The following SLC12A1 variants were observed in gnomAD, a reference collection of about 807,000 sequenced individuals.
SLC12A1 encodes solute carrier family 12 member 1.
A neutral mutation model predicts 130.4 loss-of-function variants in SLC12A1; 89 were observed. The ratio of observed to expected loss-of-function variants is 0.68; its 90% CI spans 0.58 to 0.81. The LOEUF (loss-of-function observed/expected upper bound fraction) is 0.81, where lower values mean the gene tolerates loss of function less well. Ranked by LOEUF, SLC12A1 falls within the 40% of genes least tolerant of loss-of-function variation. The probability of loss-of-function intolerance (pLI) is 0.00; values close to 1 mark genes in which losing one functional copy is unlikely to be tolerated. For missense variants in SLC12A1, 1,310 were observed against 1,336.4 expected, an observed-to-expected ratio of 0.98 and a Z score of 0.31; for synonymous variants, 499 against 460.0, an observed-to-expected ratio of 1.08 and a Z score of -1.09.
intron 14 of SLC12A1, among the ~76,000 whole-genome samples, chr15:48,250,676 T>TCACA (rs56705329): frequency 0.017 from 2,490 of 146,008 alleles, 83 homozygotes; most frequent in African/African-American, 0.063. Flanking sequence ...AATGTCTGCC[T>TCACA]CACACACACA....
In SLC12A1 at chr15:48,251,527, A is replaced by T. The variant is rs149467550; in HGVS notation, c.1787-88A>T. Reference sequence around the variant, plus strand: ...AAAAGTTCTGATTCTTTATGTCAGGAAAAAGGCATGTTACCTGCATTCTTC... The same window carrying T: ...AAAAGTTCTGATTCTTTATGTCAGGTAAAAGGCATGTTACCTGCATTCTTC... On this transcript the variant is annotated intron_variant, in intron 14 of 26. Coordinates refer to ENST00000380993, the MANE Select transcript of SLC12A1 (RefSeq NM_000338.3). 4.1e-4 allele frequency: 424 copies of T among 1,042,608 alleles called. 4 individuals carry two copies. In the East Asian group the frequency reaches 5.4e-3, roughly 13 times the overall value. The allele number at this position is 1,042,608 out of a possible 1,614,324, so 64.6% of individuals were successfully genotyped here. A position where few individuals can be genotyped will look rare whatever the true frequency, so the allele number is the denominator to read the frequency against.
chr15:48,225,127 C>T (rs569009447), intron 4 of SLC12A1: 2 of 152,142 alleles, frequency 1.3e-5, no homozygotes, highest in African/African-American at 4.8e-5. Flanking sequence ...TTTACACATG[C>T]ATTCTTTCTA....
At chr15:48,285,402 G>A (rs1015395193) in intron 21 of SLC12A1, among the ~76,000 whole-genome samples, 153 bp downstream of exon 21, 2 of 152,176 alleles carry the variant, frequency 1.3e-5, no homozygotes, top group Non-Finnish European at 2.9e-5. Flanking sequence ...ATGGATAAAC[G>A]GTAGCAGCTA....
chr15:48,232,705 T>C (rs2041395676), intron 7 of SLC12A1, 22 bp from the exon 8 acceptor site: 1 of 1,406,424 alleles, frequency 7.1e-7, no homozygotes, highest in East Asian at 2.3e-5. Flanking sequence ...TGATTTGGTT[T>C]CCTTTTACCT....
intron 20 of SLC12A1, among the ~76,000 whole-genome samples, chr15:48,277,656 C>T (rs911966675): frequency 4.6e-5 from 7 of 152,284 alleles, no homozygotes; most frequent in East Asian, 1.9e-4. Flanking sequence ...GGTACAGGAG[C>T]GGCATCAGGG....
intron 17 of SLC12A1, among the ~76,000 whole-genome samples, chr15:48,265,950 A>T (rs2041827178): frequency 6.6e-6 from 1 of 152,236 alleles, no homozygotes; most frequent in Admixed American, 6.5e-5. Flanking sequence ...TGTAATTTCA[A>T]TATAGAATCA....
At chr15:48,274,410 G>GAAAA (rs1317473472) in intron 19 of SLC12A1, among the ~76,000 whole-genome samples, 161 bp from the exon 20 acceptor site, 2 of 152,176 alleles carry the variant, frequency 1.3e-5, no homozygotes, top group Non-Finnish European at 2.9e-5. Flanking sequence ...CATAGGGGAA[G>GAAAA]AACAAACAAA....
At chr15:48,288,016 G>T in intron 21 of SLC12A1, 27 bp from the exon 22 acceptor site, 1 of 1,600,258 alleles carries the variant, frequency 6.2e-7, no homozygotes, top group East Asian at 2.2e-5. Context: ...AAAGCAAACA[G>T]ATGCATCAAT....
At chr15:48,208,262 A>G in intron 2 of SLC12A1, 123 bp downstream of exon 2, 4 of 936,610 alleles carry the variant, frequency 4.3e-6, no homozygotes, top group Non-Finnish European at 3.1e-6. Context: ...TCCAAACACT[A>G]TCCATCTTAC....
chr15:48,299,809 C>T (rs1322491065), intron 25 of SLC12A1, among the ~76,000 whole-genome samples: 2 of 152,198 alleles, frequency 1.3e-5, no homozygotes, highest in East Asian at 3.8e-4. Context: ...AAGATGCTCC[C>T]ATCTGTGCCT....
chr15:48,261,072 A>G (rs2041769076), intron 17 of SLC12A1, among the ~76,000 whole-genome samples: 1 of 152,112 alleles, frequency 6.6e-6, no homozygotes. Context: ...CCTCTCTCAT[A>G]TTATCAACTC....
chr15:48,260,793 CCA>C (rs1174817371), intron 17 of SLC12A1, among the ~76,000 whole-genome samples: 4 of 152,184 alleles, frequency 2.6e-5, no homozygotes, highest in Non-Finnish European at 5.9e-5. Context: ...GTCAACTCTG[CCA>C]TGATGCTGGG....
At chr15:48,285,300 T>G in intron 21 of SLC12A1, 51 bp downstream of exon 21, 1 of 1,571,086 alleles carries the variant, frequency 6.4e-7, no homozygotes, top group East Asian at 2.2e-5. Flanking sequence ...AGTCACTATT[T>G]GAGCATCTAT....
chr15:48,210,063 T>A (rs1167789203), intron 2 of SLC12A1, among the ~76,000 whole-genome samples: 1 of 152,132 alleles, frequency 6.6e-6, no homozygotes, highest in African/African-American at 2.4e-5. Flanking sequence ...CCAGCTGCGG[T>A]GTCACTGTCC....
At chr15:48,267,498 A>G (rs971801681) in intron 17 of SLC12A1, 63 bp from the exon 18 acceptor site, 54 of 1,580,974 alleles carry the variant, frequency 3.4e-5, no homozygotes, top group Non-Finnish European at 4.4e-5. Context: ...TGTCCTTTAG[A>G]AAACAACAGC....
chr15:48,226,376 G>T, intron 4 of SLC12A1, 100 bp from the exon 5 acceptor site: 1 of 694,760 alleles, frequency 1.4e-6, no homozygotes, highest in Non-Finnish European at 2.4e-6. Context: ...CCCGAGGCAT[G>T]GACCTGAAAA....
intron 19 of SLC12A1, among the ~76,000 whole-genome samples, chr15:48,270,782 A>ATATATATATATATATATATT (rs1433080998): frequency 2.3e-4 from 1 of 4,280 alleles, no homozygotes; most frequent in Non-Finnish European, 1.1e-3. Context: ...ATATATATAT[A>ATATATATATATATATATATT]TATACACACA....
chr15:48,266,189 G>C (rs959189156), intron 17 of SLC12A1, among the ~76,000 whole-genome samples: 3 of 152,076 alleles, frequency 2.0e-5, no homozygotes, highest in African/African-American at 7.2e-5. Flanking sequence ...GCAGACCCAG[G>C]GTGTCAGCCA....
chr15:48,246,917 CATGGT>C lies in SLC12A1; in HGVS notation c.1464_1468del (p.Met488IlefsTer54), dbSNP rs1342927341. The C allele has an allele frequency of 5.0e-6, 8 of 1,612,524 alleles. No individual in the cohort carries two copies. The highest frequency in any genetic ancestry group is 6.8e-6 in the Non-Finnish European group (8 of 1,178,570). ...GTACCTCTCTTCTCAAGGTCATGAG[CATGGT>C]ATCAGGGTTCGGCCCCCTCATCACT... On this transcript the variant is annotated frameshift_variant, in exon 12 of 27. Coordinates refer to ENST00000380993, the MANE Select transcript of SLC12A1 (RefSeq NM_000338.3). LOFTEE classifies it high-confidence loss of function.
Sources: gnomAD v4.1 joint callset for allele counts (sites outside exome capture counted in the v4.1 genomes callset) on GRCh38, gnomAD v4.1.1 for gene constraint, MANE v1.5 for transcripts, NCBI Gene and HGNC (gene_info 2026-07-23, HGNC 2026-07-21) for gene names.